The following CSMD3 variants were observed in gnomAD, a reference collection of about 807,000 sequenced individuals.
The protein encoded by CSMD3 is CUB and sushi domain-containing protein 3.
A neutral mutation model predicts 435.2 loss-of-function variants in CSMD3; 177 were observed. The observed-to-expected ratio is 0.41, with a 90% CI of 0.36 to 0.46. CSMD3 has a LOEUF of 0.46. Among genes scored for constraint, CSMD3 ranks in the 20% least tolerant of loss-of-function variants. CSMD3 has a pLI of 0.34. For missense variants in CSMD3, 4,265 were observed against 4,504.6 expected, an observed-to-expected ratio of 0.95 and a Z score of 1.52; for synonymous variants, 1,656 against 1,520.5, an observed-to-expected ratio of 1.09 and a Z score of -2.07.
At chr8:113,243,901 C>CT (rs1563595900) in intron 3 of CSMD3, among the ~76,000 whole-genome samples, 2 of 151,914 alleles carry the variant, frequency 1.3e-5, no homozygotes, top group Admixed American at 6.6e-5. Context: ...ATTTTAATAT[C>CT]TTTTTTGTAG....
intron 3 of CSMD3, among the ~76,000 whole-genome samples, chr8:113,247,746 A>G (rs2093290425): frequency 6.6e-6 from 1 of 152,130 alleles, no homozygotes; most frequent in Non-Finnish European, 1.5e-5. Flanking sequence ...TAAACTGCTT[A>G]GCAATAACAG....
chr8:112,823,621 T>C lies in CSMD3; in HGVS notation c.1859+6065A>G, dbSNP rs184584195. 4.4e-3 allele frequency among the ~76,000 whole-genome samples: 667 copies of C among 152,314 alleles called. 2 individuals carry two copies. Among genetic ancestry groups the C allele is most frequent in the African/African-American group, 0.014 (564 of 41,580 alleles). On this transcript the variant is annotated intron_variant, in intron 12 of 70. Coordinates refer to ENST00000297405, the MANE Select transcript of CSMD3 (RefSeq NM_198123.2). The stretch of plus-strand genomic sequence containing the variant: ...AGCAGGTTGTTCAGTTTCCATGTAG[T>C]TGTGTGATTATGAGTGAATTTCTCA...
intron 3 of CSMD3, among the ~76,000 whole-genome samples, chr8:113,251,898 A>G (rs1028643822): frequency 3.9e-5 from 6 of 152,102 alleles, no homozygotes; most frequent in African/African-American, 1.4e-4. Flanking sequence ...TAGAAATCCC[A>G]TGAATTTTAA....
At chr8:113,255,750 A>T (rs1290657369) in intron 3 of CSMD3, among the ~76,000 whole-genome samples, 1 of 151,952 alleles carries the variant, frequency 6.6e-6, no homozygotes, top group Non-Finnish European at 1.5e-5. Context: ...AAATATACTG[A>T]TATTATAATT....
chr8:112,736,747 G>A (rs370493028), intron 13 of CSMD3, among the ~76,000 whole-genome samples: 30 of 151,942 alleles, frequency 2.0e-4, no homozygotes, highest in African/African-American at 6.5e-4. Flanking sequence ...TGTATTTCTG[G>A]TGTAGTGCTA....
At chr8:113,189,943 C>A (rs1274901786) in intron 3 of CSMD3, among the ~76,000 whole-genome samples, 3 of 151,682 alleles carry the variant, frequency 2.0e-5, no homozygotes, top group Non-Finnish European at 2.9e-5. Context: ...ATAATTAAAT[C>A]TTTATTTTAG....
intron 27 of CSMD3, among the ~76,000 whole-genome samples, 197 bp downstream of exon 27, chr8:112,550,474 A>C (rs1827582398): frequency 6.6e-6 from 1 of 151,992 alleles, no homozygotes. Context: ...AAGTCTCAAC[A>C]ATCAATATTC....
intron 4 of CSMD3, among the ~76,000 whole-genome samples, chr8:113,161,284 A>T (rs1366834743): frequency 6.6e-6 from 1 of 152,152 alleles, no homozygotes; most frequent in African/African-American, 2.4e-5. Flanking sequence ...GTTCTAGAAT[A>T]TCAGAAAGCT....
intron 5 of CSMD3, among the ~76,000 whole-genome samples, chr8:113,083,732 GA>G (rs2089652503): frequency 6.6e-6 from 1 of 152,086 alleles, no homozygotes; most frequent in Admixed American, 6.5e-5. Context: ...ATTTTCAATT[GA>G]AAGGTAGAGG....
chr8:112,265,455 C>A lies in CSMD3; in HGVS notation c.9644G>T (p.Cys3215Phe). The A allele has an allele frequency of 6.2e-7, 1 of 1,613,742 alleles. No individual in the cohort carries two copies. Among genetic ancestry groups the A allele is most frequent in the African/African-American group, 1.3e-5 (1 of 75,014 alleles). ...MELNGSRIRTCTINGTWSGVM... is the reference protein window; with the variant it reads ...MELNGSRIRTFTINGTWSGVM... ...TCCACTCCATGTGCCATTAATTGTA[C>A]AAGTCCTGATTCTGGAGCCATTCAA... is the stretch of plus-strand genomic sequence containing the variant. The change falls in exon 60 of 71, where the codon TGT becomes TTT. Residue 3215 changes from cysteine to phenylalanine, a missense_variant. Around this residue, in one of 3 missense-constraint regions of CSMD3, gnomAD observed 3,255 missense variants for 3,380.2 expected, o/e 0.96. Transcript: ENST00000297405.
chr8:112,984,994 TGATAGATAGATAGATA>T (rs71309797), intron 6 of CSMD3, among the ~76,000 whole-genome samples: 64 of 148,310 alleles, frequency 4.3e-4, no homozygotes, highest in African/African-American at 8.2e-4. Flanking sequence ...TGATAGATTA[TGATAGATAGATAGATA>T]GATAGATAGA....
At chr8:112,392,997 C>CT (rs1277372954) in intron 35 of CSMD3, among the ~76,000 whole-genome samples, 2 of 151,340 alleles carry the variant, frequency 1.3e-5, no homozygotes, top group Admixed American at 6.6e-5. Flanking sequence ...TACAGAGTAG[C>CT]TAGGACTACA....
chr8:112,544,263 G>A (rs1826950907), intron 27 of CSMD3, among the ~76,000 whole-genome samples: 1 of 152,034 alleles, frequency 6.6e-6, no homozygotes, highest in African/African-American at 2.4e-5. Flanking sequence ...TAAAAATAAT[G>A]TGGCTGTTGA....
At chr8:112,456,494 T>C (rs992437719) in intron 32 of CSMD3, among the ~76,000 whole-genome samples, 28 of 147,136 alleles carry the variant, frequency 1.9e-4, no homozygotes, top group African/African-American at 6.3e-4. Context: ...AAGCTTATTA[T>C]CTAAAGAAAA....
At chr8:112,337,315 A>G (rs1031029709) in intron 43 of CSMD3, among the ~76,000 whole-genome samples, 1 of 152,148 alleles carries the variant, frequency 6.6e-6, no homozygotes, top group Non-Finnish European at 1.5e-5. Flanking sequence ...GAAAAGCTCT[A>G]AAGTGTGAAT....
At chr8:113,327,677 C>G (rs1160121613) in intron 1 of CSMD3, among the ~76,000 whole-genome samples, 1 of 152,034 alleles carries the variant, frequency 6.6e-6, no homozygotes, top group African/African-American at 2.4e-5. Flanking sequence ...ATCTTGCATT[C>G]CCCTGGAAAA....
At chr8:113,354,918 C>A (rs1461192627) in intron 1 of CSMD3, among the ~76,000 whole-genome samples, 1 of 152,150 alleles carries the variant, frequency 6.6e-6, no homozygotes, top group Non-Finnish European at 1.5e-5. Context: ...GGATTACAGG[C>A]ATGAGCCACC....
chr8:112,926,178 T>A (rs2082903064), intron 9 of CSMD3, among the ~76,000 whole-genome samples: 1 of 152,172 alleles, frequency 6.6e-6, no homozygotes, highest in Non-Finnish European at 1.5e-5. Flanking sequence ...GCACTGTGCT[T>A]TCACTGTATT....
At chr8:112,592,370 T>C (rs1831265716) in intron 22 of CSMD3, among the ~76,000 whole-genome samples, 1 of 152,012 alleles carries the variant, frequency 6.6e-6, no homozygotes, top group Non-Finnish European at 1.5e-5. Context: ...GCTTTCTCCT[T>C]TTAGCCTCTC....
Sources: gnomAD v4.1 joint callset for allele counts (sites outside exome capture counted in the v4.1 genomes callset) on GRCh38, gnomAD v4.1.1 for gene constraint, gnomAD v4.1.1 regional missense constraint, MANE v1.5 for transcripts, NCBI Gene and HGNC (gene_info 2026-07-23, HGNC 2026-07-21) for gene names.